TMEM131L: variants seen among roughly 807,000 people sequenced by gnomAD.
TMEM131L encodes transmembrane 131 like.
A neutral mutation model predicts 192.2 loss-of-function variants in TMEM131L; 54 were observed. The observed-to-expected ratio is 0.28, with a 90% CI of 0.23 to 0.35. TMEM131L has a LOEUF of 0.35. Among genes scored for constraint, TMEM131L ranks in the 10% least tolerant of loss-of-function variants. TMEM131L has a pLI of 1.00. For synonymous variants in TMEM131L, 701 were observed against 704.9 expected (o/e 0.99, Z 0.09); for missense variants, 1,888 against 1,972.9 (o/e 0.96, Z 0.82).
intron 27 of TMEM131L, 45 bp from the exon 28 acceptor site, chr4:153,621,638 G>C (rs752461288): frequency 6.3e-7 from 1 of 1,598,394 alleles, no homozygotes. Flanking sequence ...ATGTGTACAT[G>C]ATAAAATACA....
intron 3 of TMEM131L, among the ~76,000 whole-genome samples, chr4:153,494,817 A>T (rs992557872): frequency 1.3e-5 from 2 of 152,196 alleles, no homozygotes; most frequent in African/African-American, 4.8e-5. Flanking sequence ...GGGCCTCAGC[A>T]CCAGTGGGCT....
intron 3 of TMEM131L, among the ~76,000 whole-genome samples, chr4:153,474,707 C>G (rs1731404959): frequency 1.3e-5 from 2 of 152,154 alleles, no homozygotes; most frequent in African/African-American, 4.8e-5. Context: ...AGGCGTGTGT[C>G]AACATGCCTG....
intron 30 of TMEM131L, among the ~76,000 whole-genome samples, chr4:153,627,283 C>T (rs990025249): frequency 3.3e-5 from 5 of 152,052 alleles, no homozygotes; most frequent in Admixed American, 6.6e-5. Context: ...GGTGAACTAC[C>T]TGGAAATACA....
chr4:153,503,611 C>T (rs962066986), intron 3 of TMEM131L, among the ~76,000 whole-genome samples: 3 of 152,066 alleles, frequency 2.0e-5, no homozygotes, highest in Admixed American at 6.5e-5. Flanking sequence ...ATTTCATGGC[C>T]GGACTCAGGA....
intron 3 of TMEM131L, among the ~76,000 whole-genome samples, chr4:153,474,448 TG>T (rs1037059046): frequency 1.3e-5 from 2 of 152,212 alleles, no homozygotes; most frequent in Admixed American, 1.3e-4. Flanking sequence ...GCCCTAAGGC[TG>T]GAAGCCCTGC....
chr4:153,582,568 C>T (rs80186212), intron 9 of TMEM131L, among the ~76,000 whole-genome samples: 1 of 151,570 alleles, frequency 6.6e-6, no homozygotes, highest in Non-Finnish European at 1.5e-5. Context: ...CATGAGCCAC[C>T]GTGCCCTGCT....
intron 3 of TMEM131L, among the ~76,000 whole-genome samples, chr4:153,495,244 G>C (rs895274409): frequency 1.3e-5 from 2 of 152,016 alleles, no homozygotes; most frequent in Non-Finnish European, 2.9e-5. Context: ...TTGAACCTGG[G>C]AGGCATCCTA....
rs1341686496 is a variant in TMEM131L at position 153,627,656 on chromosome 4, T to C, written c.4176T>C (p.Pro1392=). 4.3e-6 allele frequency: 7 copies of C among 1,613,962 alleles called. No individual in the cohort carries two copies. The highest frequency in any genetic ancestry group is 3.3e-5 in the Admixed American group (2 of 60,000). Reference sequence around the variant, plus strand: ...CAGAGCCTTCCTGTCCCAGCCTTCCTGCCGGGCCCACAGGTGTTGAAGAAG... The same window carrying C: ...CAGAGCCTTCCTGTCCCAGCCTTCCCGCCGGGCCCACAGGTGTTGAAGAAG... The part of the protein sequence containing the change: ...QYAEPSCPSL[P]AGPTGVEEDK... Residue 1392 remains proline (P), a synonymous_variant, in exon 31 of 35, where the codon CCT becomes CCC. Coordinates refer to ENST00000409959, the MANE Select transcript of TMEM131L (RefSeq NM_001131007.2).
intron 7 of TMEM131L, among the ~76,000 whole-genome samples, chr4:153,563,456 CTTTTTTTTTTTTTT>C (rs1177255196): frequency 1.0e-4 from 9 of 88,198 alleles, no homozygotes; most frequent in East Asian, 3.0e-4. Context: ...GATATGTACC[CTTTTTTTTTTTTTT>C]TTTTTTTTTT....
At chr4:153,539,615 G>A (rs1169426157) in intron 3 of TMEM131L, among the ~76,000 whole-genome samples, 1 of 148,528 alleles carries the variant, frequency 6.7e-6, no homozygotes, top group Non-Finnish European at 1.5e-5. Context: ...TGATATACAT[G>A]TTAGTATTGT....
chr4:153,573,299 A>C (rs1266164024), intron 7 of TMEM131L, among the ~76,000 whole-genome samples: 2 of 152,378 alleles, frequency 1.3e-5, no homozygotes, highest in South Asian at 2.1e-4. Flanking sequence ...AGCTGTGCCC[A>C]TGCTACTCAA....
intron 6 of TMEM131L, among the ~76,000 whole-genome samples, chr4:153,557,674 T>C (rs886761942): frequency 2.0e-5 from 3 of 152,202 alleles, no homozygotes; most frequent in South Asian, 4.1e-4. Context: ...AGATCAGTAA[T>C]TTTTGTGGTT....
rs1730878812 is a variant in TMEM131L, at chr4:153,588,898, A to G, written c.1561A>G (p.Asn521Asp). 6.4e-7 allele frequency: 1 copy of G among 1,551,172 alleles called. No individual in the cohort carries two copies. The highest frequency in any genetic ancestry group is 8.9e-7 in the Non-Finnish European group (1 of 1,123,264). ...FMGKSKAGNP[N>D]WNGSLSLDQS... ...TCTGATCTAACTTTTAGGAAATCCT[A>G]ATTGGAATGGGAGCCTTTCTCTGGA... The change falls in exon 16 of 35, where the codon AAT (asparagine) becomes GAT (aspartate). Residue 521 changes from asparagine (N) to aspartate (D), a missense_variant. Physicochemically the swap from Asn to Asp is conservative, Grantham distance 23. Transcript: ENST00000409959.
rs771829813 is a variant in TMEM131L, at chr4:153,634,214, T to C, written c.4351T>C (p.Cys1451Arg). 41 of 1,614,100 alleles carry C rather than the reference T, an allele frequency of 2.5e-5. No individual in the cohort carries two copies. In the South Asian group the frequency reaches 3.8e-4, roughly 15 times the overall value. Residue 1451 changes from cysteine (C) to arginine (R), a missense_variant, in exon 33 of 35, where the codon TGC becomes CGC. Cys to Arg is a radical substitution (Grantham distance 180, BLOSUM62 -3). Transcript: ENST00000409959. ...CAGTTTCATTGATTGGAGTGCAACATGCGAAGGCCAGTTTTCCAGCGCATA... is the reference window on the plus strand; with the variant it reads ...CAGTTTCATTGATTGGAGTGCAACACGCGAAGGCCAGTTTTCCAGCGCATA... ...HNSFIDWSAT[C>R]EGQFSSAYCP...
At chr4:153,525,077 A>G (rs928755834) in intron 3 of TMEM131L, among the ~76,000 whole-genome samples, 40 of 152,224 alleles carry the variant, frequency 2.6e-4, no homozygotes, top group African/African-American at 9.7e-4. Flanking sequence ...TGCTGAGTGT[A>G]ATAGCACACT....
At chr4:153,620,178 A>G (rs912529915) in intron 26 of TMEM131L, among the ~76,000 whole-genome samples, 13 of 152,218 alleles carry the variant, frequency 8.5e-5, no homozygotes, top group African/African-American at 3.1e-4. Flanking sequence ...TGAGGAAACT[A>G]TACTTATTTA....
chr4:153,584,854 T>G lies in TMEM131L; in HGVS notation c.1080T>G (p.Ser360Arg). ...ACAAAGCAGCTACATCATGTGACAG[T>G]GGAATTATAGAAGATGTGAAGAAAA... ...FTCKAATSCD[S>R]GIIEDVKKTT... Residue 360 changes from serine to arginine, a missense_variant, in exon 12 of 35, where the codon AGT becomes AGG. Transcript: ENST00000409959. The G allele has an allele frequency of 6.2e-7, 1 of 1,613,870 alleles. No individual in the cohort carries two copies. The highest frequency in any genetic ancestry group is 8.5e-7 in the Non-Finnish European group (1 of 1,179,732).
At chr4:153,527,406 G>A (rs1198145708) in intron 3 of TMEM131L, among the ~76,000 whole-genome samples, 1 of 152,072 alleles carries the variant, frequency 6.6e-6, no homozygotes, top group Admixed American at 6.5e-5. Flanking sequence ...CCGAGTAGCT[G>A]AGATTTCAGG....
chr4:153,632,626 G>A, intron 31 of TMEM131L, 92 bp from the exon 32 acceptor site: 26 of 1,446,374 alleles, frequency 1.8e-5, no homozygotes, highest in Non-Finnish European at 2.5e-5. Context: ...TGACATTAGG[G>A]AGTGTTTTCT....
Sources: allele counts gnomAD v4.1 joint callset (sites outside exome capture counted in the v4.1 genomes callset), GRCh38; gene constraint gnomAD v4.1.1; transcripts MANE v1.5; gene names NCBI Gene and HGNC (gene_info 2026-07-23, HGNC 2026-07-21).